Variants in TSHZ3 observed in about 807,000 individuals in gnomAD.
TSHZ3 encodes teashirt homolog 3.
TSHZ3 carries 10 observed loss-of-function variants against 64.5 expected under a neutral mutation model. That is an observed-to-expected ratio of 0.16 (90% confidence interval 0.10 to 0.26). TSHZ3 has a LOEUF of 0.26. Among genes scored for constraint, TSHZ3 ranks in the 10% least tolerant of loss-of-function variants. The pLI is 1.00. For missense variants in TSHZ3, 1,242 were observed against 1,421.7 expected, an observed-to-expected ratio of 0.87 and a Z score of 2.03; for synonymous variants, 608 against 593.1, an observed-to-expected ratio of 1.03 and a Z score of -0.36.
chr19:31,331,299 C>T (rs112631442), intron 1 of TSHZ3, among the ~76,000 whole-genome samples: 13 of 152,182 alleles, frequency 8.5e-5, no homozygotes, highest in African/African-American at 2.9e-4. Context: ...CTACTTTTGG[C>T]GCAGTGATGA....
chr19:31,237,544 T>C (rs1376658769), intron 3 of TSHZ3, among the ~76,000 whole-genome samples: 1 of 152,194 alleles, frequency 6.6e-6, no homozygotes, highest in Non-Finnish European at 1.5e-5. Flanking sequence ...TTAAGTTTGT[T>C]TTCAAAGAAC....
At chr19:31,337,455 C>G (rs914715323) in intron 1 of TSHZ3, among the ~76,000 whole-genome samples, 39 of 152,146 alleles carry the variant, frequency 2.6e-4, no homozygotes, top group African/African-American at 8.7e-4. Flanking sequence ...ACAATTGTTC[C>G]TGCAAATTGG....
intron 5 of TSHZ3, among the ~76,000 whole-genome samples, chr19:31,198,330 C>G (rs1975021991): frequency 6.6e-6 from 1 of 152,102 alleles, no homozygotes; most frequent in Non-Finnish European, 1.5e-5. Flanking sequence ...CAGCTAATGT[C>G]ATAGTTAATG....
intron 5 of TSHZ3, among the ~76,000 whole-genome samples, chr19:31,189,011 T>G (rs919973159): frequency 2.6e-5 from 4 of 152,082 alleles, no homozygotes; most frequent in Middle Eastern, 3.4e-3. Flanking sequence ...GTAATTTTTA[T>G]CTTTCAATGT....
intron 5 of TSHZ3, among the ~76,000 whole-genome samples, chr19:31,174,523 T>G (rs1384417701): frequency 6.6e-6 from 1 of 152,234 alleles, no homozygotes; most frequent in East Asian, 1.9e-4. Context: ...GGGCATCCTG[T>G]GGCCCAGATC....
At chr19:31,160,769 CACACAT>C (rs369821386) in intron 5 of TSHZ3, among the ~76,000 whole-genome samples, 4 of 152,122 alleles carry the variant, frequency 2.6e-5, no homozygotes, top group South Asian at 2.1e-4. Flanking sequence ...CACACACATA[CACACAT>C]ACACATACAC....
intron 1 of TSHZ3, among the ~76,000 whole-genome samples, chr19:31,256,158 C>G (rs1975907387): frequency 6.6e-6 from 1 of 152,172 alleles, no homozygotes; most frequent in Non-Finnish European, 1.5e-5. Context: ...TGACTTTCCC[C>G]TCATAGGACT....
At chr19:31,241,190 A>G (rs1975683755) in intron 3 of TSHZ3, among the ~76,000 whole-genome samples, 1 of 152,138 alleles carries the variant, frequency 6.6e-6, no homozygotes, top group African/African-American at 2.4e-5. Context: ...TTGCTTGCAC[A>G]TCGTCTAGTA....
chr19:31,306,299 G>A (rs904651886), intron 1 of TSHZ3, among the ~76,000 whole-genome samples: 1 of 152,182 alleles, frequency 6.6e-6, no homozygotes, highest in African/African-American at 2.4e-5. Flanking sequence ...CAAATTGGAT[G>A]GGACTTCACT....
rs184444445 is a variant in TSHZ3 at position 31,232,465 on chromosome 19, T to C, written n.551-4325A>G. On this transcript the variant is annotated intron_variant and non_coding_transcript_variant, in intron 3 of 6. Transcript: ENST00000651361. Reference sequence around the variant, plus strand: ...CTGGCTGTGGTTAAGTAGGATTACTTGCCCAGTATTCCCACATGTGGCTTT... The same window carrying C: ...CTGGCTGTGGTTAAGTAGGATTACTCGCCCAGTATTCCCACATGTGGCTTT... Among the ~76,000 whole-genome samples, 6 of 152,318 alleles carry C rather than the reference T, an allele frequency of 3.9e-5. No homozygotes were observed. In the East Asian group the frequency reaches 5.8e-4, roughly 15 times the overall value.
intron 1 of TSHZ3, among the ~76,000 whole-genome samples, chr19:31,334,629 C>T (rs1185844097): frequency 2.0e-5 from 3 of 152,136 alleles, no homozygotes; most frequent in Non-Finnish European, 2.9e-5. Flanking sequence ...AAAATGACTT[C>T]CAGGTAACCT....
intron 1 of TSHZ3, among the ~76,000 whole-genome samples, chr19:31,298,557 G>A (rs1976700470): frequency 6.6e-6 from 1 of 152,184 alleles, no homozygotes; most frequent in African/African-American, 2.4e-5. Flanking sequence ...TGGATGCACA[G>A]AAGCCTCCCA....
chr19:31,242,672 C>A (rs1233183040), intron 2 of TSHZ3, among the ~76,000 whole-genome samples: 1 of 152,044 alleles, frequency 6.6e-6, no homozygotes, highest in Non-Finnish European at 1.5e-5. Flanking sequence ...TGTCCAAAGG[C>A]AGCAGCAGAT....
intron 1 of TSHZ3, among the ~76,000 whole-genome samples, chr19:31,322,015 G>C (rs150355832): frequency 3.3e-5 from 5 of 152,188 alleles, no homozygotes; most frequent in Admixed American, 3.3e-4. Flanking sequence ...GGTGTGTGAT[G>C]TTCCCCTCCC....
intron 5 of TSHZ3, among the ~76,000 whole-genome samples, chr19:31,186,049 CA>C: frequency 6.6e-6 from 1 of 152,186 alleles, no homozygotes; most frequent in Non-Finnish European, 1.5e-5. Flanking sequence ...GTGATTCTAC[CA>C]CAATCTTTTC....
intron 4 of TSHZ3, among the ~76,000 whole-genome samples, chr19:31,219,406 G>A (rs1975371821): frequency 6.6e-6 from 1 of 152,146 alleles, no homozygotes; most frequent in Non-Finnish European, 1.5e-5. Context: ...AATGATGGCA[G>A]TGAGAAGTTT....
At chr19:31,152,287 T>A (rs1198656694) in intron 6 of TSHZ3, among the ~76,000 whole-genome samples, 1 of 142,164 alleles carries the variant, frequency 7.0e-6, no homozygotes, top group African/African-American at 2.8e-5. Flanking sequence ...TGTGAGCGTG[T>A]GTGTGTGTGT....
downstream of TSHZ3, among the ~76,000 whole-genome samples, chr19:31,273,103 C>G (rs1002995789): frequency 2.0e-5 from 3 of 152,132 alleles, no homozygotes; most frequent in African/African-American, 4.8e-5. Context: ...CAATCTTTAG[C>G]CAGGCAAAGG....
intron 5 of TSHZ3, among the ~76,000 whole-genome samples, chr19:31,183,803 G>A (rs965194747): frequency 4.6e-5 from 7 of 152,226 alleles, no homozygotes; most frequent in Non-Finnish European, 7.4e-5. Context: ...AGGTGAACAG[G>A]CGCTGGAGTG....
Sources: allele counts gnomAD v4.1 joint callset (sites outside exome capture counted in the v4.1 genomes callset), GRCh38; gene constraint gnomAD v4.1.1; transcripts MANE v1.5; gene names NCBI Gene and HGNC (gene_info 2026-07-23, HGNC 2026-07-21).